The following SIK3 variants were observed in gnomAD, a reference collection of about 807,000 sequenced individuals.
SIK3 encodes SIK family kinase 3.
SIK3 carries 28 observed loss-of-function variants against 144.2 expected under a neutral mutation model. That is an observed-to-expected ratio of 0.19 (90% CI 0.14 to 0.27). SIK3 has a LOEUF of 0.27. SIK3 is among the 10% of genes least tolerant of loss of function. The pLI is 1.00. For synonymous variants in SIK3, 686 were observed against 676.3 expected, an observed-to-expected ratio of 1.01 and a Z score of -0.22; for missense variants, 1,319 against 1,776.0, an observed-to-expected ratio of 0.74 and a Z score of 4.62.
intron 3 of SIK3, among the ~76,000 whole-genome samples, chr11:116,937,025 A>C (rs544122410): frequency 5.3e-5 from 8 of 152,364 alleles, no homozygotes; most frequent in Admixed American, 1.3e-4. Flanking sequence ...AAACTGCTCC[A>C]TAATTTGTGT....
chr11:116,897,657 G>T (rs533089194), intron 4 of SIK3, among the ~76,000 whole-genome samples: 1 of 152,168 alleles, frequency 6.6e-6, no homozygotes, highest in South Asian at 2.1e-4. Context: ...TTGTGAGGCC[G>T]AGGTGGGCGG....
intron 1 of SIK3, among the ~76,000 whole-genome samples, chr11:117,048,317 TAAA>T (rs35268919): frequency 6.6e-6 from 1 of 152,176 alleles, no homozygotes; most frequent in East Asian, 1.9e-4. Context: ...TATTTACCTT[TAAA>T]AAGTTAATGA....
At chr11:116,956,902 T>C in intron 2 of SIK3, 46 bp downstream of exon 2, 1 of 1,201,378 alleles carries the variant, frequency 8.3e-7, no homozygotes, top group Non-Finnish European at 1.2e-6. Context: ...ATACATACAA[T>C]ATTCTGGGTT....
intron 1 of SIK3, among the ~76,000 whole-genome samples, chr11:117,033,665 C>A (rs1245698784): frequency 1.4e-5 from 2 of 140,996 alleles, no homozygotes; most frequent in African/African-American, 2.7e-5. Flanking sequence ...GCAGAGATTG[C>A]GCCACTGCAC....
chr11:116,863,546 T>G (rs1009450375), intron 16 of SIK3, 122 bp downstream of exon 16: 59 of 1,433,136 alleles, frequency 4.1e-5, no homozygotes, highest in Non-Finnish European at 5.5e-5. Context: ...CTATACTTTT[T>G]TAACCTATAA....
intron 21 of SIK3, among the ~76,000 whole-genome samples, chr11:116,855,100 A>AC (rs1942790950): frequency 6.8e-6 from 1 of 146,482 alleles, no homozygotes; most frequent in Non-Finnish European, 1.5e-5. Flanking sequence ...AAAAAAAAAA[A>AC]AAAAAAAAAC....
chr11:116,991,278 C>G (rs543164663), intron 1 of SIK3, among the ~76,000 whole-genome samples: 1 of 152,274 alleles, frequency 6.6e-6, no homozygotes, highest in African/African-American at 2.4e-5. Context: ...AAAACCCCGT[C>G]TCTATCAAAA....
intron 1 of SIK3, among the ~76,000 whole-genome samples, chr11:117,031,345 G>A (rs1271208924): frequency 1.4e-5 from 2 of 147,448 alleles, no homozygotes; most frequent in African/African-American, 4.9e-5. Context: ...GTGAAGTTTA[G>A]GTCAGATTTT....
chr11:117,000,482 C>T lies in SIK3; in HGVS notation c.274-43418G>A, dbSNP rs181573043. Among the ~76,000 whole-genome samples, 32 of 152,164 alleles carry T rather than the reference C, an allele frequency of 2.1e-4. No individual in the cohort carries two copies. In the East Asian group the frequency reaches 2.9e-3, roughly 14 times the overall value. ...TTAATGCACAGTTCTGTCATGAAGC[C>T]AAGAAATAATAAAATAAGGGGAATA... On this transcript the variant is annotated intron_variant, in intron 1 of 24. Transcript: ENST00000445177.
Position 116,858,756 on chromosome 11 carries a change from G to A in SIK3, c.2766-57C>T. 1 of 1,510,622 alleles carries A rather than the reference G, an allele frequency of 6.6e-7. No homozygotes were observed. The allele number at this position is 1,510,622 out of a possible 1,614,324, so 93.6% of individuals were successfully genotyped here. A position where few individuals can be genotyped will look rare whatever the true frequency, so the allele number is the denominator to read the frequency against. ...ATGTAACAAGTACTAGACTTCCTGG[G>A]AACAGCTCCTCCTCCTCAGTAGGGA... On this transcript the variant is annotated intron_variant, in intron 20 of 24. Transcript: ENST00000445177. This position sits in a 1 kb window ranked among gnomAD's most constrained non-coding sequence, Gnocchi z 5.4.
chr11:116,989,012 C>CTACAATAAG (rs1950413721), intron 1 of SIK3, among the ~76,000 whole-genome samples: 1 of 151,846 alleles, frequency 6.6e-6, no homozygotes, highest in Non-Finnish European at 1.5e-5. Flanking sequence ...TCTAGTCTGT[C>CTACAATAAG]TCCCAAATAA....
intron 1 of SIK3, among the ~76,000 whole-genome samples, chr11:117,032,239 T>A (rs1324928548): frequency 2.0e-5 from 3 of 152,176 alleles, no homozygotes; most frequent in African/African-American, 7.2e-5. Flanking sequence ...TGCATTAAAC[T>A]TGTAGATTAA....
intron 1 of SIK3, among the ~76,000 whole-genome samples, chr11:116,987,430 C>A (rs576810058): frequency 1.3e-5 from 2 of 151,860 alleles, no homozygotes; most frequent in Admixed American, 1.3e-4. Context: ...CTCCTTCAAT[C>A]CAGCAGAAAT....
chr11:116,970,818 T>C (rs1264459406), intron 1 of SIK3, among the ~76,000 whole-genome samples: 2 of 151,826 alleles, frequency 1.3e-5, no homozygotes, highest in South Asian at 2.1e-4. Context: ...CCCAGCTAAA[T>C]TAATTTTTTT....
chr11:117,052,674 A>G (rs1953314510), intron 1 of SIK3, among the ~76,000 whole-genome samples: 1 of 152,228 alleles, frequency 6.6e-6, no homozygotes, highest in African/African-American at 2.4e-5. Context: ...CCTTTAAGCA[A>G]AAATAAATCA....
At chr11:116,885,953 C>T (rs745741282) in intron 6 of SIK3, among the ~76,000 whole-genome samples, 2 of 152,188 alleles carry the variant, frequency 1.3e-5, no homozygotes, top group African/African-American at 2.4e-5. Flanking sequence ...GCAACAGTGC[C>T]TGGTACATAG....
chr11:116,993,083 C>T (rs924138118), intron 1 of SIK3, among the ~76,000 whole-genome samples: 1 of 152,146 alleles, frequency 6.6e-6, no homozygotes, highest in African/African-American at 2.4e-5. Context: ...AACAGAGTCT[C>T]ACTATGTTGC....
chr11:116,947,662 T>C (rs1591400436), intron 3 of SIK3, among the ~76,000 whole-genome samples: 1 of 150,654 alleles, frequency 6.6e-6, no homozygotes, highest in African/African-American at 2.4e-5. Flanking sequence ...GCCTCCCAGG[T>C]TCACGCCATT....
chr11:117,038,009 T>C (rs1300194106), intron 1 of SIK3, among the ~76,000 whole-genome samples: 1 of 152,250 alleles, frequency 6.6e-6, no homozygotes, highest in Non-Finnish European at 1.5e-5. Context: ...TTTTTTGTTG[T>C]GTACTATGGG....
Sources: allele counts gnomAD v4.1 joint callset (sites outside exome capture counted in the v4.1 genomes callset), GRCh38; gene constraint gnomAD v4.1.1; non-coding constraint Gnocchi (gnomAD v3.1); transcripts MANE v1.5; gene names NCBI Gene and HGNC (gene_info 2026-07-23, HGNC 2026-07-21).